NUMB: variants seen among roughly 807,000 people sequenced by gnomAD.
The protein encoded by NUMB is NUMB endocytic adaptor protein, also known as protein numb homolog.
A neutral mutation model predicts 59.7 loss-of-function variants in NUMB; 29 were observed. The observed-to-expected ratio is 0.49, with a 90% CI of 0.36 to 0.66. The LOEUF (loss-of-function observed/expected upper bound fraction) is 0.66, where lower values mean the gene tolerates loss of function less well. Ranked by LOEUF, NUMB falls within the 30% of genes least tolerant of loss-of-function variation. The probability of loss-of-function intolerance (pLI) is 0.00; values close to 1 mark genes in which losing one functional copy is unlikely to be tolerated. For synonymous variants in NUMB, 288 were observed against 288.2 expected (o/e 1.00, Z 0.01); for missense variants, 723 against 822.0 (o/e 0.88, Z 1.47).
intron 2 of NUMB, among the ~76,000 whole-genome samples, chr14:73,401,016 G>GA (rs1896385771): frequency 1.3e-5 from 2 of 152,196 alleles, no homozygotes; most frequent in South Asian, 4.1e-4. Flanking sequence ...TAATCAGCCA[G>GA]AAGCACAGGA....
chr14:73,304,403 T>C (rs1198029792), intron 6 of NUMB, among the ~76,000 whole-genome samples: 2 of 152,148 alleles, frequency 1.3e-5, no homozygotes, highest in South Asian at 4.1e-4. Flanking sequence ...CTCAAACTCC[T>C]GGGCTCAAGT....
intron 2 of NUMB, among the ~76,000 whole-genome samples, chr14:73,404,445 TG>T (rs1896565426): frequency 6.6e-6 from 1 of 152,134 alleles, no homozygotes; most frequent in Non-Finnish European, 1.5e-5. Context: ...AGAAGATGCA[TG>T]CTCAAGTATT....
chr14:73,403,944 T>C (rs1896538386), intron 2 of NUMB, among the ~76,000 whole-genome samples: 1 of 151,300 alleles, frequency 6.6e-6, no homozygotes, highest in Admixed American at 6.6e-5. Context: ...AATACAAAAA[T>C]TAGCCAGGCA....
chr14:73,300,615 T>A (rs1049435292), intron 6 of NUMB, among the ~76,000 whole-genome samples: 1 of 152,200 alleles, frequency 6.6e-6, no homozygotes, highest in Non-Finnish European at 1.5e-5. Context: ...ACTTTCTACA[T>A]CTGTATAATG....
At chr14:73,317,419 G>A (rs530521741) in intron 5 of NUMB, among the ~76,000 whole-genome samples, 4 of 151,990 alleles carry the variant, frequency 2.6e-5, no homozygotes, top group African/African-American at 4.8e-5. Flanking sequence ...CTCATGCCTC[G>A]GCCTCCCGAG....
chr14:73,337,889 G>A (rs1215286580), intron 4 of NUMB, among the ~76,000 whole-genome samples: 1 of 152,156 alleles, frequency 6.6e-6, no homozygotes, highest in Non-Finnish European at 1.5e-5. Flanking sequence ...CATCAAAACT[G>A]AATGCTTGAT....
Position 73,288,284 on chromosome 14 carries a change from G to A in NUMB, c.451-970C>T, listed in dbSNP as rs374628275. ...TAAAAAAAATTAGGCCAGGTGCGAT[G>A]GCTCACACCTGTAATCCCAGCACTT... On this transcript the variant is annotated intron_variant, in intron 8 of 12. Coordinates refer to ENST00000555238, the MANE Select transcript of NUMB (RefSeq NM_001005743.2). Among the ~76,000 whole-genome samples, 474 of 152,166 alleles carry A rather than the reference G, an allele frequency of 3.1e-3. 3 individuals are homozygous for A. Among genetic ancestry groups the A allele is most frequent in the African/African-American group, 0.011 (445 of 41,522 alleles).
At chr14:73,352,473 CACACATATATATATATATATATATATAT>C (rs1566756055) in intron 4 of NUMB, among the ~76,000 whole-genome samples, 1,542 of 20,440 alleles carry the variant, frequency 0.075, 267 homozygotes, top group East Asian at 0.26. Flanking sequence ...CACACACACA[CACACATATATATATATATATATATATAT>C]ATATATATAT....
At chr14:73,368,475 C>T (rs866002635) in intron 2 of NUMB, among the ~76,000 whole-genome samples, 1 of 151,696 alleles carries the variant, frequency 6.6e-6, no homozygotes, top group African/African-American at 2.4e-5. Flanking sequence ...CCCAGCTACT[C>T]GGGAGGCTGA....
chr14:73,431,428 G>C (rs1897824155), intron 1 of NUMB, among the ~76,000 whole-genome samples: 1 of 148,870 alleles, frequency 6.7e-6, no homozygotes, highest in East Asian at 2.2e-4. Context: ...ACTAATTTTT[G>C]TATTTTTAGT....
intron 4 of NUMB, among the ~76,000 whole-genome samples, chr14:73,338,181 G>C: frequency 6.6e-6 from 1 of 151,886 alleles, no homozygotes; most frequent in East Asian, 1.9e-4. Flanking sequence ...CAACTAGTCA[G>C]GAGGCTGAGG....
At chr14:73,330,685 G>A (rs561017093) in intron 4 of NUMB, among the ~76,000 whole-genome samples, 245 of 152,092 alleles carry the variant, frequency 1.6e-3, no homozygotes, top group Non-Finnish European at 3.1e-3. Flanking sequence ...ATATGTCTTC[G>A]CTTTTTAAGT....
intron 1 of NUMB, chr14:73,457,502 G>C (rs1287848004): frequency 6.6e-6 from 1 of 151,970 alleles, no homozygotes; most frequent in Non-Finnish European, 1.5e-5. Context: ...CTCTCTCCTC[G>C]GGCAACTTTC....
At chr14:73,429,028 C>A (rs78391247) in intron 1 of NUMB, among the ~76,000 whole-genome samples, 4,224 of 152,230 alleles carry the variant, frequency 0.028, 131 homozygotes, top group East Asian at 0.14. Flanking sequence ...TTCCCTCATG[C>A]CCTCAGTAGT....
At chr14:73,337,005 G>A (rs1181734201) in intron 4 of NUMB, among the ~76,000 whole-genome samples, 2 of 152,052 alleles carry the variant, frequency 1.3e-5, no homozygotes, top group Non-Finnish European at 2.9e-5. Context: ...GCTGAGGCAG[G>A]CAGATCACAT....
At chr14:73,438,440 G>A (rs1375197313) in intron 1 of NUMB, among the ~76,000 whole-genome samples, 4 of 152,018 alleles carry the variant, frequency 2.6e-5, no homozygotes, top group Admixed American at 6.6e-5. Flanking sequence ...AGACCAGCCT[G>A]GCTAAAATGG....
chr14:73,282,623 A>G (rs1566724640), intron 10 of NUMB, 118 bp from the exon 11 acceptor site: 1 of 1,071,352 alleles, frequency 9.3e-7, no homozygotes, highest in East Asian at 2.6e-5. Context: ...AAAAGGCTCA[A>G]TTAACTGTAT....
intron 6 of NUMB, among the ~76,000 whole-genome samples, chr14:73,313,349 T>A (rs953605610): frequency 1.4e-4 from 22 of 151,802 alleles, no homozygotes; most frequent in African/African-American, 4.8e-4. Context: ...TGATTGCTTA[T>A]CAGTAGCATA....
Position 73,294,261 on chromosome 14 carries a change from G to A in NUMB, c.310-1387C>T, listed in dbSNP as rs541978392. On this transcript the variant is annotated intron_variant, in intron 7 of 12. Transcript: ENST00000555238. ...CTTGCTCCGTCATCCAGGCTGGAGT[G>A]CAGTGGCGCAATCACTGCTCACTGT... Among the ~76,000 whole-genome samples the A allele has an allele frequency of 2.6e-5, 4 of 152,278 alleles. No homozygotes were observed. The East Asian group carries it at 7.7e-4, about 29-fold the overall frequency.
Sources: gnomAD v4.1 joint callset for allele counts (sites outside exome capture counted in the v4.1 genomes callset) on GRCh38, gnomAD v4.1.1 for gene constraint, MANE v1.5 for transcripts, NCBI Gene and HGNC (gene_info 2026-07-23, HGNC 2026-07-21) for gene names.